Variants in ADGRB3 observed in about 807,000 individuals in gnomAD.
The protein encoded by ADGRB3 is adhesion G protein-coupled receptor B3.
In ADGRB3, 37 loss-of-function variants were observed where a neutral mutation model predicts 193.4. The ratio of observed to expected loss-of-function variants is 0.19; its 90% CI spans 0.15 to 0.25. ADGRB3 has a LOEUF of 0.25. ADGRB3 is among the 10% of genes least tolerant of loss of function. The pLI, the probability that ADGRB3 is intolerant of heterozygous loss-of-function variation, is 1.00. For synonymous variants in ADGRB3, 690 were observed against 644.2 expected, an observed-to-expected ratio of 1.07 and a Z score of -1.08; for missense variants, 1,637 against 1,852.9, an observed-to-expected ratio of 0.88 and a Z score of 2.14.
intron 6 of ADGRB3, among the ~76,000 whole-genome samples, chr6:68,955,768 G>C (rs549755548): frequency 6.6e-6 from 1 of 151,250 alleles, no homozygotes; most frequent in African/African-American, 2.4e-5. Context: ...CTCCAGCCTG[G>C]ACAACAGAGC....
At chr6:68,802,310 C>T (rs2127371600) in intron 3 of ADGRB3, among the ~76,000 whole-genome samples, 1 of 151,920 alleles carries the variant, frequency 6.6e-6, no homozygotes, top group East Asian at 1.9e-4. Context: ...GAAACAAGAG[C>T]AGGATTTGAG....
chr6:69,233,377 C>G lies in ADGRB3; in HGVS notation c.2568C>G (p.Leu856=). The stretch of plus-strand genomic sequence containing the variant: ...ATACGAAATGCTTATGTGATCGTCT[C>G]TCTACCTTCGCCATTTTGGCTCAGC... The part of the protein sequence containing the change: ...ASHTKCLCDR[L]STFAILAQQP... The change falls in exon 18 of 32, where the codon CTC becomes CTG. Residue 856 remains leucine, a synonymous_variant. Transcript: ENST00000370598. 4 of 1,614,136 alleles carry G rather than the reference C, an allele frequency of 2.5e-6. No homozygotes were observed. The highest frequency in any genetic ancestry group is 3.4e-6 in the Non-Finnish European group (4 of 1,180,010).
intron 3 of ADGRB3, among the ~76,000 whole-genome samples, chr6:68,871,632 C>A (rs1283121587): frequency 1.3e-5 from 2 of 152,146 alleles, no homozygotes; most frequent in African/African-American, 4.8e-5. Context: ...TGACTCCCTG[C>A]ACCAACTAGG....
intron 3 of ADGRB3, among the ~76,000 whole-genome samples, chr6:68,751,944 T>A (rs559356704): frequency 6.6e-6 from 1 of 152,330 alleles, no homozygotes; most frequent in Admixed American, 6.5e-5. Flanking sequence ...TGGGAACTCA[T>A]TTTTATTTCC....
rs757414106 is a variant in ADGRB3, at chr6:69,318,095, G to A, written c.2815-6777G>A. 2.4e-4 allele frequency among the ~76,000 whole-genome samples: 36 copies of A among 150,970 alleles called. No individual in the cohort carries two copies. In the East Asian group the frequency reaches 2.9e-3, roughly 12 times the overall value. On this transcript the variant is annotated intron_variant, in intron 20 of 31. Coordinates refer to ENST00000370598, the MANE Select transcript of ADGRB3 (RefSeq NM_001704.3). ...TTTTGTCTTTTCTTGTATTGTTTTC[G>A]TGAGAAACTCTTGTACAACTTAGAA...
intron 30 of ADGRB3, among the ~76,000 whole-genome samples, chr6:69,381,237 G>C (rs1769940278): frequency 6.6e-6 from 1 of 151,836 alleles, no homozygotes; most frequent in African/African-American, 2.4e-5. Flanking sequence ...AATTATGTTT[G>C]CCTGGTGTTT....
intron 3 of ADGRB3, among the ~76,000 whole-genome samples, chr6:68,786,935 T>C (rs900729535): frequency 1.3e-5 from 2 of 151,930 alleles, no homozygotes; most frequent in African/African-American, 4.8e-5. Context: ...GGGCGTTCAC[T>C]CATGATTTGG....
chr6:68,711,255 A>AT (rs1374551946), intron 3 of ADGRB3, among the ~76,000 whole-genome samples: 1 of 152,008 alleles, frequency 6.6e-6, no homozygotes, highest in African/African-American at 2.4e-5. Context: ...TTTTACAGTT[A>AT]TTATAAAATT....
intron 17 of ADGRB3, among the ~76,000 whole-genome samples, chr6:69,089,279 A>G (rs182107899): frequency 6.6e-6 from 1 of 152,362 alleles, no homozygotes; most frequent in Non-Finnish European, 1.5e-5. Context: ...AGAAATATTA[A>G]CATGAGATAT....
chr6:69,145,653 A>T (rs970769511), intron 17 of ADGRB3, among the ~76,000 whole-genome samples: 1 of 152,062 alleles, frequency 6.6e-6, no homozygotes, highest in African/African-American at 2.4e-5. Flanking sequence ...AGAAAGATGA[A>T]GAGTAGCTTT....
rs1337476942 is a variant in ADGRB3 at position 68,943,769 on chromosome 6, A to G, written c.1031-61A>G. ...TGAGTTTTGCTTTTTAATTATAAAG[A>G]AAATGATCTTTGATTTTACTGCTCT... On this transcript the variant is annotated intron_variant, in intron 5 of 31. Transcript: ENST00000370598. 1.3e-5 allele frequency: 18 copies of G among 1,409,582 alleles called. No individual in the cohort carries two copies. The South Asian group carries it at 2.5e-4, about 19-fold the overall frequency. 87.3% of individuals were successfully genotyped at this position (1,409,582 alleles called of 1,614,324 possible).
At position 69,372,329 on chromosome 6, in the gene ADGRB3, T is replaced by C. The variant is rs571866251; in HGVS notation, c.4240-77T>C. On this transcript the variant is annotated intron_variant, in intron 29 of 31. Coordinates refer to ENST00000370598, the MANE Select transcript of ADGRB3 (RefSeq NM_001704.3). ...GCAGGATTATCTTTAATGAAAATGATGATTTTTCATTTTGTTTGAATGACT... is the reference window on the plus strand; with the variant it reads ...GCAGGATTATCTTTAATGAAAATGACGATTTTTCATTTTGTTTGAATGACT... 3.3e-5 allele frequency: 26 copies of C among 789,916 alleles called. No individual in the cohort carries two copies. The South Asian group carries it at 5.4e-4, about 16-fold the overall frequency. The allele number at this position is 789,916 out of a possible 1,614,324, so 48.9% of individuals were successfully genotyped here. A position where few individuals can be genotyped will look rare whatever the true frequency, so the allele number is the denominator to read the frequency against.
At chr6:68,866,240 T>G (rs534006694) in intron 3 of ADGRB3, among the ~76,000 whole-genome samples, 3 of 152,094 alleles carry the variant, frequency 2.0e-5, no homozygotes, top group Non-Finnish European at 4.4e-5. Context: ...TGGGGCCAGT[T>G]TCTCCCCTCC....
At chr6:68,926,751 T>G (rs1767193531) in intron 3 of ADGRB3, among the ~76,000 whole-genome samples, 1 of 151,344 alleles carries the variant, frequency 6.6e-6, no homozygotes, top group Admixed American at 6.6e-5. Flanking sequence ...TATGTGTTTG[T>G]GTTTTAACTT....
intron 17 of ADGRB3, among the ~76,000 whole-genome samples, chr6:69,168,932 A>T (rs555611478): frequency 7.6e-4 from 116 of 152,220 alleles, no homozygotes; most frequent in Middle Eastern, 3.4e-3. Context: ...CTAACATCTC[A>T]ACTTATTTTT....
chr6:68,776,010 A>C (rs531682805), intron 3 of ADGRB3, among the ~76,000 whole-genome samples: 1 of 152,272 alleles, frequency 6.6e-6, no homozygotes, highest in South Asian at 2.1e-4. Flanking sequence ...GTGTCATTTC[A>C]GCATCCATTA....
chr6:68,950,999 A>G (rs963566922), intron 6 of ADGRB3, among the ~76,000 whole-genome samples: 5 of 152,252 alleles, frequency 3.3e-5, no homozygotes, highest in Middle Eastern at 6.8e-3. Flanking sequence ...TCTGCACAGC[A>G]TCTGAACCCA....
At chr6:69,042,999 C>T (rs1023069259) in intron 13 of ADGRB3, among the ~76,000 whole-genome samples, 7 of 152,064 alleles carry the variant, frequency 4.6e-5, no homozygotes, top group East Asian at 1.9e-4. Context: ...TGAGTTACTG[C>T]GTTTACCACT....
intron 18 of ADGRB3, among the ~76,000 whole-genome samples, chr6:69,234,202 A>G (rs900043072): frequency 2.6e-5 from 4 of 152,192 alleles, no homozygotes; most frequent in African/African-American, 7.2e-5. Context: ...GAACACGCTT[A>G]AAGTGTATTC....
Sources: allele counts gnomAD v4.1 joint callset (sites outside exome capture counted in the v4.1 genomes callset), GRCh38; gene constraint gnomAD v4.1.1; transcripts MANE v1.5; gene names NCBI Gene and HGNC (gene_info 2026-07-23, HGNC 2026-07-21).